L3MBTL3: variants seen among roughly 807,000 people sequenced by gnomAD.
The protein encoded by L3MBTL3 is L3MBTL histone methyl-lysine binding protein 3.
L3MBTL3 carries 27 observed loss-of-function variants against 102.3 expected under a neutral mutation model. The observed-to-expected ratio is 0.26, with a 90% CI of 0.19 to 0.36. L3MBTL3 has a LOEUF of 0.36. L3MBTL3 is among the 10% of genes least tolerant of loss of function. The pLI is 1.00. For synonymous variants in L3MBTL3, 340 were observed against 320.9 expected (o/e 1.06, Z -0.64); for missense variants, 798 against 955.3 (o/e 0.84, Z 2.17).
At chr6:130,121,682 C>A (rs549809134) in intron 20 of L3MBTL3, among the ~76,000 whole-genome samples, 176 of 151,760 alleles carry the variant, frequency 1.2e-3, no homozygotes, top group African/African-American at 4.0e-3. Flanking sequence ...GTTTTGAAAT[C>A]CAGATAGAAT....
At chr6:130,051,476 T>TAG in intron 6 of L3MBTL3, 68 bp downstream of exon 6, 1 of 1,397,616 alleles carries the variant, frequency 7.2e-7, no homozygotes, top group Non-Finnish European at 1.0e-6. Flanking sequence ...CCTGAGAATA[T>TAG]AGAAGTTTTA....
chr6:130,075,921 G>A (rs1254998858), intron 13 of L3MBTL3, among the ~76,000 whole-genome samples: 1 of 152,204 alleles, frequency 6.6e-6, no homozygotes, highest in Non-Finnish European at 1.5e-5. Flanking sequence ...AGTATTCGTT[G>A]TGTTAATGAA....
intron 20 of L3MBTL3, among the ~76,000 whole-genome samples, chr6:130,132,233 T>G (rs546632756): frequency 6.6e-6 from 1 of 152,238 alleles, no homozygotes; most frequent in South Asian, 2.1e-4. Context: ...CTCAGAAACA[T>G]GCTGTTTAGA....
chr6:130,114,561 G>C (rs1489327306), intron 19 of L3MBTL3, among the ~76,000 whole-genome samples: 3 of 151,900 alleles, frequency 2.0e-5, no homozygotes, highest in African/African-American at 7.3e-5. Context: ...TTGTTATCTT[G>C]GTAATACCCA....
chr6:130,094,947 A>G (rs1337407858), intron 18 of L3MBTL3, among the ~76,000 whole-genome samples: 1 of 152,158 alleles, frequency 6.6e-6, no homozygotes, highest in Non-Finnish European at 1.5e-5. Context: ...TAAAAATACT[A>G]CTAAAGTACA....
chr6:130,034,152 A>G (rs1718322858), intron 2 of L3MBTL3, among the ~76,000 whole-genome samples: 1 of 152,166 alleles, frequency 6.6e-6, no homozygotes, highest in South Asian at 2.1e-4. Flanking sequence ...CCTCTGTTTT[A>G]TCCACTCCTG....
At chr6:130,072,995 G>A (rs181682834) in intron 13 of L3MBTL3, among the ~76,000 whole-genome samples, 1 of 152,226 alleles carries the variant, frequency 6.6e-6, no homozygotes, top group East Asian at 1.9e-4. Flanking sequence ...GTACTGTTGA[G>A]TCTCACAGTT....
Position 130,051,332 on chromosome 6 carries a change from C to T in L3MBTL3, c.373C>T (p.Gln125Ter). 6.2e-7 allele frequency: 1 copy of T among 1,613,942 alleles called. No individual in the cohort carries two copies. Among genetic ancestry groups the T allele is most frequent in the Non-Finnish European group, 8.5e-7 (1 of 1,179,810 alleles). The change falls in exon 6 of 23, where the codon CAG (glutamine) becomes TAG (stop). Residue 125 changes from glutamine to a stop codon, truncating the protein, a stop_gained. Transcript: ENST00000361794. LOFTEE classifies it high-confidence loss of function. ...GCTTCAGTTCTGTGAGAACTGTTGTCAGTATGGCAACGTAGATGAGTGTCT... is the reference window on the plus strand; with the variant it reads ...GCTTCAGTTCTGTGAGAACTGTTGTTAGTATGGCAACGTAGATGAGTGTCT... ...EGLQFCENCC[Q>*]YGNVDECLSG...
At chr6:130,067,790 A>G (rs747792021) in intron 11 of L3MBTL3, among the ~76,000 whole-genome samples, 23 of 152,344 alleles carry the variant, frequency 1.5e-4, no homozygotes, top group African/African-American at 3.6e-4. Context: ...GTTAACTTCA[A>G]TGAAATTGTA....
chr6:130,118,404 C>T (rs562543998), intron 19 of L3MBTL3, among the ~76,000 whole-genome samples: 4 of 152,234 alleles, frequency 2.6e-5, no homozygotes, highest in African/African-American at 9.6e-5. Flanking sequence ...TTAACTGTTT[C>T]CACATGTCTG....
At chr6:130,020,458 T>A (rs1225978887) in intron 1 of L3MBTL3, 1 of 152,128 alleles carries the variant, frequency 6.6e-6, no homozygotes, top group Non-Finnish European at 1.5e-5. Flanking sequence ...AAAAAGGCCC[T>A]GCGATTCCCC....
rs1788101450 is a variant in L3MBTL3, at chr6:130,139,722, C to T, written c.2312C>T (p.Ala771Val). Residue 771 changes from alanine to valine, a missense_variant, in exon 23 of 23, where the codon GCT becomes GTT. By Grantham distance (64) the Ala-to-Val change is moderately conservative. Coordinates refer to ENST00000361794, the MANE Select transcript of L3MBTL3 (RefSeq NM_032438.4). ...KIFNSILMFK[A>V]AEKNSHNEL ...TTCAATTCCATCCTGATGTTCAAAG[C>T]TGCAGAGAAGAATTCTCACAATGAA... 6.2e-7 allele frequency: 1 copy of T among 1,613,092 alleles called. No individual in the cohort carries two copies. The highest frequency in any genetic ancestry group is 8.5e-7 in the Non-Finnish European group (1 of 1,179,560).
intron 14 of L3MBTL3, among the ~76,000 whole-genome samples, chr6:130,081,578 C>G (rs999109197): frequency 3.9e-5 from 5 of 129,234 alleles, no homozygotes; most frequent in African/African-American, 1.6e-4. Context: ...GTTACCACAC[C>G]TGGCTATTTT....
In L3MBTL3 at chr6:130,061,082, CTTT is replaced by C. The variant is rs146750598; in HGVS notation, c.864+960_864+962del. 1.6e-3 allele frequency among the ~76,000 whole-genome samples: 188 copies of C among 114,108 alleles called. 1 individual carries two copies. The highest frequency in any genetic ancestry group is 8.8e-3 in the East Asian group (32 of 3,618). 74.9% of individuals were successfully genotyped at this position (114,108 alleles called of 152,430 possible). On this transcript the variant is annotated intron_variant, in intron 10 of 22. Coordinates refer to ENST00000361794, the MANE Select transcript of L3MBTL3 (RefSeq NM_032438.4). ...TCCAAGTACTTTTCATCTGTTAGCTCTTTTTTTTTTTTTTTTTTTTGAGATGGA... is the reference window on the plus strand; with the variant it reads ...TCCAAGTACTTTTCATCTGTTAGCTCTTTTTTTTTTTTTTTTTGAGATGGA...
intron 2 of L3MBTL3, among the ~76,000 whole-genome samples, chr6:130,034,740 G>C (rs1471881728): frequency 1.3e-5 from 2 of 152,200 alleles, no homozygotes; most frequent in East Asian, 3.8e-4. Flanking sequence ...GCATGCCTGG[G>C]CCTCGGCCAG....
Position 130,066,282 on chromosome 6 carries a change from T to TTG in L3MBTL3, c.865-67_865-66dup, listed in dbSNP as rs1319790677. 1.8e-4 allele frequency: 49 copies of TTG among 271,076 alleles called. 1 individual carries two copies. The highest frequency in any genetic ancestry group is 4.3e-4 in the East Asian group (4 of 9,310). 16.8% of individuals were successfully genotyped at this position (271,076 alleles called of 1,614,324 possible). ...TCATGCCTGGTGTCCATGTTTATTT[T>TTG]TGTGTATATATATATATATATGAAT... On this transcript the variant is annotated intron_variant, in intron 10 of 22. Coordinates refer to ENST00000361794, the MANE Select transcript of L3MBTL3 (RefSeq NM_032438.4).
intron 14 of L3MBTL3, among the ~76,000 whole-genome samples, chr6:130,080,272 AAAAG>A (rs1783246884): frequency 2.0e-5 from 3 of 151,802 alleles, no homozygotes; most frequent in Non-Finnish European, 2.9e-5. Context: ...GAAAAAAAAA[AAAAG>A]AAAGCAAGGT....
chr6:130,030,261 C>G (rs1320662053), intron 2 of L3MBTL3, among the ~76,000 whole-genome samples: 1 of 151,862 alleles, frequency 6.6e-6, no homozygotes, highest in Non-Finnish European at 1.5e-5. Flanking sequence ...AGTTTTTACA[C>G]CCCTATGGAG....
chr6:130,039,002 GT>G (rs527808778), intron 2 of L3MBTL3, among the ~76,000 whole-genome samples: 124 of 151,536 alleles, frequency 8.2e-4, no homozygotes, highest in African/African-American at 2.5e-3. Flanking sequence ...AGAAACAGAA[GT>G]TTTTTTTTCC....
Sources: gnomAD v4.1 joint callset for allele counts (sites outside exome capture counted in the v4.1 genomes callset) on GRCh38, gnomAD v4.1.1 for gene constraint, MANE v1.5 for transcripts, NCBI Gene and HGNC (gene_info 2026-07-23, HGNC 2026-07-21) for gene names.